The following LHFPL6 variants were observed in gnomAD, a reference collection of about 807,000 sequenced individuals.
LHFPL6 encodes LHFPL tetraspan subfamily member 6 protein.
LHFPL6 carries 9 observed loss-of-function variants against 20.6 expected under a neutral mutation model. The observed-to-expected ratio is 0.44, with a 90% confidence interval of 0.26 to 0.76. The LOEUF is 0.76. LHFPL6 is among the 30% of genes least tolerant of loss of function. The pLI, the probability that LHFPL6 is intolerant of heterozygous loss-of-function variation, is 0.20. For synonymous variants in LHFPL6, 105 were observed against 98.7 expected, an observed-to-expected ratio of 1.06 and a Z score of -0.38; for missense variants, 218 against 253.5, an observed-to-expected ratio of 0.86 and a Z score of 0.95.
At chr13:39,524,151 A>C (rs754705773) in intron 2 of LHFPL6, among the ~76,000 whole-genome samples, 39 of 152,220 alleles carry the variant, frequency 2.6e-4, no homozygotes, top group Non-Finnish European at 5.1e-4. Flanking sequence ...TAAGGGACAT[A>C]GGAATGCCAC....
At chr13:39,389,410 T>C (rs1566100320) in intron 2 of LHFPL6, among the ~76,000 whole-genome samples, 1 of 152,132 alleles carries the variant, frequency 6.6e-6, no homozygotes, top group Non-Finnish European at 1.5e-5. Flanking sequence ...CCAAAACGTA[T>C]AAAGAAGGGG....
intron 2 of LHFPL6, among the ~76,000 whole-genome samples, chr13:39,392,522 AG>A (rs1247934163): frequency 6.6e-6 from 1 of 152,186 alleles, no homozygotes; most frequent in African/African-American, 2.4e-5. Context: ...TGAACCTGGG[AG>A]GCAGAGGTTG....
chr13:39,588,538 T>C (rs1239359844), intron 2 of LHFPL6, among the ~76,000 whole-genome samples: 1 of 152,212 alleles, frequency 6.6e-6, no homozygotes, highest in Non-Finnish European at 1.5e-5. Context: ...TTCAGAGCTT[T>C]TAAAATGTGC....
chr13:39,453,758 T>C (rs576332592), intron 2 of LHFPL6, among the ~76,000 whole-genome samples: 1 of 152,172 alleles, frequency 6.6e-6, no homozygotes, highest in Non-Finnish European at 1.5e-5. Flanking sequence ...CTCAACAGCA[T>C]GGGTGTGAGT....
At chr13:39,414,542 C>A (rs1871304092) in intron 2 of LHFPL6, among the ~76,000 whole-genome samples, 1 of 152,174 alleles carries the variant, frequency 6.6e-6, no homozygotes, top group Non-Finnish European at 1.5e-5. Context: ...GCAAGGGCCC[C>A]TGCATTTGGT....
intron 2 of LHFPL6, among the ~76,000 whole-genome samples, chr13:39,392,984 T>C (rs574689995): frequency 5.9e-5 from 9 of 152,326 alleles, no homozygotes; most frequent in African/African-American, 1.2e-4. Context: ...CTAAACAATA[T>C]ACTATAACAA....
At chr13:39,420,471 C>T (rs937380241) in intron 2 of LHFPL6, among the ~76,000 whole-genome samples, 1 of 152,128 alleles carries the variant, frequency 6.6e-6, no homozygotes, top group African/African-American at 2.4e-5. Flanking sequence ...CTGGGAACAA[C>T]CACACCGGTT....
At chr13:39,388,348 A>G (rs1870620802) in intron 2 of LHFPL6, among the ~76,000 whole-genome samples, 1 of 152,218 alleles carries the variant, frequency 6.6e-6, no homozygotes, top group South Asian at 2.1e-4. Flanking sequence ...AAAATTCACA[A>G]GCTAACTTCA....
intron 2 of LHFPL6, among the ~76,000 whole-genome samples, chr13:39,561,223 G>A (rs977873253): frequency 6.6e-6 from 1 of 151,938 alleles, no homozygotes; most frequent in African/African-American, 2.4e-5. Flanking sequence ...TAGAATGCCA[G>A]TAGAGCAGTA....
intron 2 of LHFPL6, among the ~76,000 whole-genome samples, chr13:39,408,271 C>A (rs766729031): frequency 4.6e-5 from 7 of 152,188 alleles, no homozygotes; most frequent in Non-Finnish European, 1.0e-4. Flanking sequence ...TCTTGGCTAA[C>A]TTGTAGACTA....
intron 2 of LHFPL6, among the ~76,000 whole-genome samples, chr13:39,550,524 C>T (rs1488170135): frequency 1.3e-5 from 2 of 152,032 alleles, no homozygotes; most frequent in African/African-American, 4.8e-5. Flanking sequence ...ACCAACCCTC[C>T]CCCACCAATA....
At chr13:39,397,866 G>GT (rs1870882839) in intron 2 of LHFPL6, among the ~76,000 whole-genome samples, 2 of 152,222 alleles carry the variant, frequency 1.3e-5, no homozygotes, top group South Asian at 4.2e-4. Flanking sequence ...ATTTAGAGCC[G>GT]TAACTAATGA....
At chr13:39,405,319 C>T (rs993947625) in intron 2 of LHFPL6, among the ~76,000 whole-genome samples, 1 of 152,140 alleles carries the variant, frequency 6.6e-6, no homozygotes, top group Non-Finnish European at 1.5e-5. Context: ...AAGTCAGCAG[C>T]CTTTTGTTTA....
intron 2 of LHFPL6, among the ~76,000 whole-genome samples, chr13:39,402,357 T>G (rs2138380056): frequency 6.6e-6 from 1 of 152,282 alleles, no homozygotes; most frequent in East Asian, 1.9e-4. Flanking sequence ...ACTGAGTGGC[T>G]GGGACTATAG....
At chr13:39,538,971 A>G (rs1870711199) in intron 2 of LHFPL6, among the ~76,000 whole-genome samples, 1 of 152,192 alleles carries the variant, frequency 6.6e-6, no homozygotes, top group African/African-American at 2.4e-5. Flanking sequence ...TATGGATTCC[A>G]TTGCAATTAC....
At chr13:39,429,198 T>TTCCGGTTTTTTTTTCC (rs1437440517) in intron 2 of LHFPL6, among the ~76,000 whole-genome samples, 1 of 151,892 alleles carries the variant, frequency 6.6e-6, no homozygotes, top group Admixed American at 6.6e-5. Flanking sequence ...TTTTTTTTTC[T>TTCCGGTTTTTTTTTCC]ATTGTTCTAT....
At chr13:39,505,814 GT>G (rs1263830800) in intron 2 of LHFPL6, among the ~76,000 whole-genome samples, 1 of 152,174 alleles carries the variant, frequency 6.6e-6, no homozygotes, top group Non-Finnish European at 1.5e-5. Context: ...CAGTGATAGA[GT>G]GAAGGGTATT....
At chr13:39,454,653 A>G (rs866864869) in intron 2 of LHFPL6, among the ~76,000 whole-genome samples, 1 of 27,902 alleles carries the variant, frequency 3.6e-5, no homozygotes. Flanking sequence ...AAAAAAAAAA[A>G]AAAGAGTTGT....
At chr13:39,349,822 G>A (rs897345212) in intron 3 of LHFPL6, among the ~76,000 whole-genome samples, 10 of 152,298 alleles carry the variant, frequency 6.6e-5, no homozygotes, top group Admixed American at 4.6e-4. Context: ...AGTATGCTTG[G>A]AGTGAGGGGA....
Sources: allele counts gnomAD v4.1 joint callset (sites outside exome capture counted in the v4.1 genomes callset), GRCh38; gene constraint gnomAD v4.1.1; transcripts MANE v1.5; gene names NCBI Gene and HGNC (gene_info 2026-07-23, HGNC 2026-07-21).